Variants in PPP6R3 observed in about 807,000 individuals in gnomAD.
PPP6R3 encodes serine/threonine-protein phosphatase 6 regulatory subunit 3.
In PPP6R3, 38 loss-of-function variants were observed where a neutral mutation model predicts 110.7. The ratio of observed to expected loss-of-function variants is 0.34; its 90% CI spans 0.26 to 0.45. PPP6R3 has a LOEUF of 0.45. Ranked by LOEUF, PPP6R3 falls within the 20% of genes least tolerant of loss-of-function variation. The pLI, the probability that PPP6R3 is intolerant of heterozygous loss-of-function variation, is 1.00. For missense variants in PPP6R3, 870 were observed against 1,062.4 expected (o/e 0.82, Z 2.52); for synonymous variants, 369 against 373.5 (o/e 0.99, Z 0.14).
chr11:68,569,052 G>T (rs994738315), intron 10 of PPP6R3, among the ~76,000 whole-genome samples: 1 of 152,098 alleles, frequency 6.6e-6, no homozygotes, highest in Non-Finnish European at 1.5e-5. Flanking sequence ...GAGCCACCAC[G>T]CCTGGCCTCT....
chr11:68,555,709 A>G (rs562382306), intron 7 of PPP6R3, among the ~76,000 whole-genome samples: 5 of 152,358 alleles, frequency 3.3e-5, no homozygotes, highest in East Asian at 1.9e-4. Context: ...TTTTAGTCCT[A>G]GATCAGGTAG....
chr11:68,476,613 A>T (rs1343120273), intron 1 of PPP6R3, among the ~76,000 whole-genome samples: 1 of 152,222 alleles, frequency 6.6e-6, no homozygotes, highest in African/African-American at 2.4e-5. Flanking sequence ...ATATGCTATA[A>T]GTTTTGCTAT....
intron 7 of PPP6R3, among the ~76,000 whole-genome samples, chr11:68,556,347 G>T (rs2099399399): frequency 6.6e-6 from 1 of 152,158 alleles, no homozygotes; most frequent in Non-Finnish European, 1.5e-5. Flanking sequence ...GGCTTGGGAA[G>T]CAATCTGGGC....
intron 3 of PPP6R3, among the ~76,000 whole-genome samples, chr11:68,544,508 G>C (rs113781374): frequency 6.6e-6 from 1 of 152,204 alleles, no homozygotes; most frequent in Non-Finnish European, 1.5e-5. Flanking sequence ...CTGATGGCTC[G>C]TACGTCCAGC....
intron 1 of PPP6R3, among the ~76,000 whole-genome samples, chr11:68,514,671 G>GTCTCCCAGGTTCAAGTGAT (rs1308867513): frequency 6.6e-6 from 1 of 150,500 alleles, no homozygotes; most frequent in Non-Finnish European, 1.5e-5. Flanking sequence ...TGCAACTTCT[G>GTCTCCCAGGTTCAAGTGAT]TCTCCCAGGT....
At chr11:68,480,920 A>G (rs1216652121) in intron 1 of PPP6R3, among the ~76,000 whole-genome samples, 4 of 152,188 alleles carry the variant, frequency 2.6e-5, no homozygotes, top group African/African-American at 9.6e-5. Flanking sequence ...TTTTATATCC[A>G]GAAATGGGAA....
At position 68,613,208 on chromosome 11, in the gene PPP6R3, C is replaced by G. The variant is rs765606333; in HGVS notation, c.*91C>G. 3.8e-6 allele frequency: 6 copies of G among 1,560,412 alleles called. No individual in the cohort carries two copies. Among genetic ancestry groups the G allele is most frequent in the African/African-American group, 1.4e-5 (1 of 73,162 alleles). On this transcript the variant is annotated 3_prime_UTR_variant, in exon 24 of 24. Coordinates refer to ENST00000393800, the MANE Select transcript of PPP6R3 (RefSeq NM_001164161.2). ...TCAGCTGGAGCCCACCAAGCTGTCA[C>G]TGCTGCACTCACTCTGCAAGGGATC...
At chr11:68,552,436 T>C (rs2099384932) in intron 6 of PPP6R3, among the ~76,000 whole-genome samples, 1 of 152,270 alleles carries the variant, frequency 6.6e-6, no homozygotes, top group Non-Finnish European at 1.5e-5. Flanking sequence ...TTAAAGGGAC[T>C]GTCACTTCCC....
chr11:68,549,289 T>G (rs1229563549), intron 5 of PPP6R3, among the ~76,000 whole-genome samples: 2 of 152,240 alleles, frequency 1.3e-5, no homozygotes, highest in Non-Finnish European at 2.9e-5. Flanking sequence ...ACTCATTTCT[T>G]TGGAAATGAG....
At chr11:68,567,244 A>G in intron 10 of PPP6R3, 78 bp downstream of exon 10, 1 of 1,365,270 alleles carries the variant, frequency 7.3e-7, no homozygotes, top group Non-Finnish European at 9.7e-7. Context: ...ACAACCTTAC[A>G]AATTTACATT....
chr11:68,511,444 A>G (rs2153534082), intron 1 of PPP6R3, among the ~76,000 whole-genome samples: 1 of 131,338 alleles, frequency 7.6e-6, no homozygotes, highest in East Asian at 2.3e-4. Context: ...TTTCCTCTGG[A>G]AATGTGTTAC....
intron 22 of PPP6R3, chr11:68,609,470 C>T: frequency 1.0e-6 from 1 of 958,526 alleles, no homozygotes; most frequent in Non-Finnish European, 1.6e-6. Flanking sequence ...TTCCTTCAAA[C>T]AGGTTCTTTG....
chr11:68,612,957 A>G, intron 23 of PPP6R3, 109 bp from the exon 24 acceptor site: 15 of 1,553,520 alleles, frequency 9.7e-6, no homozygotes, highest in Non-Finnish European at 1.3e-5. Flanking sequence ...ACTAAGTTCA[A>G]AACAATGTTA....
intron 1 of PPP6R3, among the ~76,000 whole-genome samples, chr11:68,476,269 C>T (rs371609012): frequency 4.4e-4 from 67 of 152,078 alleles, no homozygotes; most frequent in Non-Finnish European, 6.9e-4. Flanking sequence ...GAGACCAGCC[C>T]GGCCAACACA....
intron 1 of PPP6R3, among the ~76,000 whole-genome samples, chr11:68,506,540 A>C (rs904666471): frequency 7.9e-5 from 12 of 151,982 alleles, no homozygotes; most frequent in Non-Finnish European, 1.8e-4. Flanking sequence ...TAATTAAATC[A>C]AGTTAATTAA....
At chr11:68,461,324 C>T (rs576850796) in intron 1 of PPP6R3, among the ~76,000 whole-genome samples, 20 of 152,274 alleles carry the variant, frequency 1.3e-4, no homozygotes, top group Middle Eastern at 3.4e-3. Context: ...GGACTCTGCT[C>T]TTCGGGAAAC....
At position 68,574,200 on chromosome 11, in the gene PPP6R3, G is replaced by C; in HGVS notation, c.1435G>C (p.Ala479Pro). The change falls in exon 13 of 24, where the codon GCA becomes CCA. Residue 479 changes from alanine (A) to proline (P), a missense_variant. Physicochemically the swap from Ala to Pro is conservative, Grantham distance 27 (BLOSUM62 -1). Transcript: ENST00000393800. The part of the protein sequence containing the change: ...VHSTDKGPNS[A>P]LVQQLIKDLP... Reference sequence around the variant, plus strand: ...CAGCACTGACAAGGGCCCCAACAGTGCATTAGTGCAGCAGCTTATCAAAGG... The same window carrying C: ...CAGCACTGACAAGGGCCCCAACAGTCCATTAGTGCAGCAGCTTATCAAAGG... 6.2e-7 allele frequency: 1 copy of C among 1,613,712 alleles called. No individual in the cohort carries two copies. The highest frequency in any genetic ancestry group is 1.1e-5 in the South Asian group (1 of 91,060).
intron 18 of PPP6R3, 152 bp downstream of exon 18, chr11:68,591,858 A>C (rs1335728360): frequency 6.2e-6 from 6 of 967,708 alleles, no homozygotes; most frequent in Non-Finnish European, 7.3e-6. Context: ...TGTTGGCGGG[A>C]GTTGGTGCTT....
At chr11:68,513,867 G>A (rs749723797) in intron 1 of PPP6R3, among the ~76,000 whole-genome samples, 16 of 152,188 alleles carry the variant, frequency 1.1e-4, no homozygotes, top group Non-Finnish European at 1.9e-4. Flanking sequence ...CTCAGTAAAT[G>A]AAGAGATGTC....
Sources: allele counts gnomAD v4.1 joint callset (sites outside exome capture counted in the v4.1 genomes callset), GRCh38; gene constraint gnomAD v4.1.1; transcripts MANE v1.5; gene names NCBI Gene and HGNC (gene_info 2026-07-23, HGNC 2026-07-21).